RRAS2: variants seen among roughly 807,000 people sequenced by gnomAD.
The protein encoded by RRAS2 is ras-related protein R-Ras2.
In RRAS2, 7 loss-of-function variants were observed where a neutral mutation model predicts 27.6. The observed-to-expected ratio is 0.25, with a 90% CI of 0.14 to 0.48. RRAS2 has a LOEUF of 0.48. RRAS2 is among the 20% of genes least tolerant of loss of function. The pLI, the probability that RRAS2 is intolerant of heterozygous loss-of-function variation, is 0.99. For synonymous variants in RRAS2, 86 were observed against 90.9 expected, an observed-to-expected ratio of 0.95 and a Z score of 0.31; for missense variants, 178 against 256.2, an observed-to-expected ratio of 0.69 and a Z score of 2.08.
intron 4 of RRAS2, among the ~76,000 whole-genome samples, chr11:14,282,325 C>G (rs1554944443): frequency 6.6e-6 from 1 of 152,152 alleles, no homozygotes; most frequent in African/African-American, 2.4e-5. Context: ...ACCTGGTACA[C>G]AGGTGACACT....
At chr11:14,294,966 G>C (rs1847506286) in intron 2 of RRAS2, 104 bp from the exon 3 acceptor site, 1 of 842,190 alleles carries the variant, frequency 1.2e-6, no homozygotes, top group Non-Finnish European at 1.9e-6. Flanking sequence ...CTCATACTTG[G>C]TATAATACAG....
chr11:14,352,733 GAA>G (rs1848981870), intron 1 of RRAS2, among the ~76,000 whole-genome samples: 1 of 140,474 alleles, frequency 7.1e-6, no homozygotes, highest in East Asian at 2.1e-4. Context: ...ATTTGAAAAA[GAA>G]ACTTTTAAAA....
intron 1 of RRAS2, among the ~76,000 whole-genome samples, chr11:14,297,361 CT>C (rs1176498639): frequency 6.6e-6 from 1 of 152,184 alleles, no homozygotes; most frequent in Non-Finnish European, 1.5e-5. Flanking sequence ...GAAACAAGCA[CT>C]CTTGAAGAGG....
intron 1 of RRAS2, among the ~76,000 whole-genome samples, chr11:14,330,026 G>A (rs956500665): frequency 1.3e-5 from 2 of 152,180 alleles, no homozygotes; most frequent in Non-Finnish European, 2.9e-5. Context: ...AGTAAGCTAT[G>A]ATTGTGCCAC....
At chr11:14,284,554 A>C (rs1849615172) in intron 4 of RRAS2, among the ~76,000 whole-genome samples, 3 of 152,074 alleles carry the variant, frequency 2.0e-5, no homozygotes, top group Admixed American at 6.5e-5. Flanking sequence ...ATCCTTACTG[A>C]TTTTCTTTCT....
At chr11:14,287,814 C>T (rs946404593) in intron 4 of RRAS2, among the ~76,000 whole-genome samples, 2 of 146,012 alleles carry the variant, frequency 1.4e-5, no homozygotes, top group Non-Finnish European at 3.0e-5. Flanking sequence ...GGAGGTTGCA[C>T]TGAGCCAAGA....
intron 1 of RRAS2, among the ~76,000 whole-genome samples, chr11:14,352,936 T>A (rs954767737): frequency 6.6e-6 from 1 of 151,750 alleles, no homozygotes; most frequent in Non-Finnish European, 1.5e-5. Context: ...GTAGCTGGGA[T>A]TGCAGGCGCC....
At chr11:14,329,011 G>GTGTGTGTA (rs1210749974) in intron 1 of RRAS2, among the ~76,000 whole-genome samples, 1 of 137,812 alleles carries the variant, frequency 7.3e-6, no homozygotes, top group South Asian at 2.4e-4. Flanking sequence ...GTGTGTGTGT[G>GTGTGTGTA]TATATATATA....
chr11:14,343,207 C>T (rs1848754051), intron 1 of RRAS2, among the ~76,000 whole-genome samples: 1 of 152,118 alleles, frequency 6.6e-6, no homozygotes, highest in Non-Finnish European at 1.5e-5. Context: ...GAAATAGACA[C>T]TAAATATATA....
intron 1 of RRAS2, among the ~76,000 whole-genome samples, chr11:14,302,376 T>C (rs1847738621): frequency 2.0e-5 from 3 of 152,348 alleles, no homozygotes; most frequent in Admixed American, 6.5e-5. Context: ...GATGCATTTA[T>C]ATCTTTACTG....
rs2133987870 is a variant in RRAS2 at position 14,314,583 on chromosome 11, A to C, written c.109-18728T>G. 1.3e-5 allele frequency among the ~76,000 whole-genome samples: 2 copies of C among 152,368 alleles called. 1 individual carries two copies. The highest frequency in any genetic ancestry group is 3.9e-4 in the East Asian group (2 of 5,190). ...ATTAGATGCCATAAAATAAAGAGGAACATCTAACAGCTGCCATGTAATAGC... is the reference window on the plus strand; with the variant it reads ...ATTAGATGCCATAAAATAAAGAGGACCATCTAACAGCTGCCATGTAATAGC... On this transcript the variant is annotated intron_variant, in intron 1 of 5. Coordinates refer to ENST00000256196, the MANE Select transcript of RRAS2 (RefSeq NM_012250.6).
chr11:14,293,035 G>A (rs1170825030), intron 4 of RRAS2, among the ~76,000 whole-genome samples: 4 of 150,278 alleles, frequency 2.7e-5, no homozygotes, highest in Non-Finnish European at 5.9e-5. Context: ...GTGAACCCGG[G>A]AGGCAGAGCT....
intron 1 of RRAS2, among the ~76,000 whole-genome samples, chr11:14,303,462 C>T (rs1276678901): frequency 6.6e-6 from 1 of 152,132 alleles, no homozygotes; most frequent in Non-Finnish European, 1.5e-5. Flanking sequence ...TTAGGCCAAA[C>T]ACAACAGTTC....
intron 4 of RRAS2, among the ~76,000 whole-genome samples, chr11:14,288,812 T>C (rs577016704): frequency 2.6e-5 from 4 of 152,322 alleles, no homozygotes; most frequent in Non-Finnish European, 1.5e-5. Context: ...AAACTACATT[T>C]CAGTGCTCAG....
intron 2 of RRAS2, 54 bp from the exon 3 acceptor site, chr11:14,294,916 C>T: frequency 6.7e-7 from 1 of 1,500,900 alleles, no homozygotes; most frequent in South Asian, 1.1e-5. Context: ...ACTGCTTCCC[C>T]ACAAGGGCAA....
chr11:14,321,042 T>G (rs1224509686), intron 1 of RRAS2, among the ~76,000 whole-genome samples: 2 of 151,942 alleles, frequency 1.3e-5, no homozygotes, highest in Admixed American at 6.6e-5. Context: ...TAGCTGGGTG[T>G]GGTGGCAGGC....
rs560383774 is a variant in RRAS2 at position 14,291,687 on chromosome 11, T to TA, written c.408+2783dup. 6.6e-4 allele frequency among the ~76,000 whole-genome samples: 95 copies of TA among 143,652 alleles called. 1 individual carries two copies. Among genetic ancestry groups the TA allele is most frequent in the South Asian group, 1.1e-3 (5 of 4,520 alleles). The allele number at this position is 143,652 out of a possible 152,430, so 94.2% of individuals were successfully genotyped here. On this transcript the variant is annotated intron_variant, in intron 4 of 5. Transcript: ENST00000256196. ...GAGAATCTATTACTTTTACAAAAAG[T>TA]AAAAAAAAAAACTTCCACGAAAAAA...
chr11:14,302,132 TTTTC>T (rs782403157), intron 1 of RRAS2, among the ~76,000 whole-genome samples: 3 of 118,202 alleles, frequency 2.5e-5, no homozygotes, highest in South Asian at 2.8e-4. Context: ...GACTAACAAA[TTTTC>T]TTTCTTTTCT....
At chr11:14,292,786 T>C (rs1554945963) in intron 4 of RRAS2, among the ~76,000 whole-genome samples, 1 of 152,014 alleles carries the variant, frequency 6.6e-6, no homozygotes, top group East Asian at 1.9e-4. Flanking sequence ...TCAGTGGACA[T>C]TTCCAAATCT....
Sources: allele counts gnomAD v4.1 joint callset (sites outside exome capture counted in the v4.1 genomes callset), GRCh38; gene constraint gnomAD v4.1.1; transcripts MANE v1.5; gene names NCBI Gene and HGNC (gene_info 2026-07-23, HGNC 2026-07-21).